Variants in ARHGEF40 observed in about 807,000 individuals in gnomAD.
The protein encoded by ARHGEF40 is Rho guanine nucleotide exchange factor (GEF) 40.
A neutral mutation model predicts 165.9 loss-of-function variants in ARHGEF40; 98 were observed. That is an observed-to-expected ratio of 0.59 (90% CI 0.50 to 0.70). The LOEUF is 0.70. ARHGEF40 is among the 30% of genes least tolerant of loss of function. The probability of loss-of-function intolerance (pLI) is 0.00; values close to 1 mark genes in which losing one functional copy is unlikely to be tolerated. For synonymous variants in ARHGEF40, 792 were observed against 814.3 expected (o/e 0.97, Z 0.47); for missense variants, 1,815 against 1,968.0 (o/e 0.92, Z 1.47).
At chr14:21,065,993 G>A (rs1055287272), upstream of ARHGEF40, among the ~76,000 whole-genome samples, 1 of 152,136 alleles carries the variant, frequency 6.6e-6, no homozygotes, top group Non-Finnish European at 1.5e-5. Context: ...CAACTACTTG[G>A]GAAGCTGAGG....
chr14:21,070,753 C>T lies in ARHGEF40; in HGVS notation c.3+354C>T. The stretch of plus-strand genomic sequence containing the variant: ...CCCCCTCCTGGTCCGAGCTCCTTAC[C>T]CGCGGGAGACCCCTGCGGGTTGGTC... On this transcript the variant is annotated intron_variant, in intron 1 of 23. Transcript: ENST00000298694. This position sits in a 1 kb window ranked among gnomAD's most constrained non-coding sequence, Gnocchi z 4.7. 6.7e-7 allele frequency: 1 copy of T among 1,490,228 alleles called. No homozygotes were observed. Among genetic ancestry groups the T allele is most frequent in the Non-Finnish European group, 9.0e-7 (1 of 1,106,634 alleles). The allele number at this position is 1,490,228 out of a possible 1,614,324, so 92.3% of individuals were successfully genotyped here.
At chr14:21,076,922 G>C (rs1182659306) in intron 8 of ARHGEF40, 32 bp downstream of exon 8, 2 of 1,568,306 alleles carry the variant, frequency 1.3e-6, no homozygotes, top group Non-Finnish European at 1.8e-6. Flanking sequence ...TAGCATGCTG[G>C]GAGCCAGGAA....
chr14:21,066,117 A>C (rs142219277), upstream of ARHGEF40, among the ~76,000 whole-genome samples: 1,419 of 152,182 alleles, frequency 9.3e-3, 89 homozygotes, highest in Admixed American at 0.085. Flanking sequence ...CAACAACAAC[A>C]ACAAAAACCT....
In ARHGEF40 at chr14:21,076,932, A is replaced by G. The variant is rs186745042; in HGVS notation, c.2034+42A>G. ...CCACCTAGCATGCTGGGAGCCAGGA[A>G]TAACCCAGCTGAAGACATTCTAGGA... On this transcript the variant is annotated intron_variant, in intron 8 of 23. Transcript: ENST00000298694. The G allele has an allele frequency of 2.5e-5, 38 of 1,530,848 alleles. No homozygotes were observed. In the Admixed American group the frequency reaches 6.2e-4, roughly 25 times the overall value. 94.8% of individuals were successfully genotyped at this position (1,530,848 alleles called of 1,614,324 possible).
Position 21,088,851 on chromosome 14 carries a change from G to T in ARHGEF40, c.4540G>T (p.Asp1514Tyr). The T allele has an allele frequency of 6.2e-7, 1 of 1,613,198 alleles. No homozygotes were observed. The highest frequency in any genetic ancestry group is 8.5e-7 in the Non-Finnish European group (1 of 1,179,396). ...CCAGAGTCATGCTCGAGCCCTGAGT[G>T]ACCCCACCACGCCTCTGTGACCTGG... is the stretch of plus-strand genomic sequence containing the variant. ...SRQSHARALSDPTTPL is the reference protein window; with the variant it reads ...SRQSHARALSYPTTPL Residue 1514 changes from aspartate to tyrosine, a missense_variant, in exon 23 of 24, where the codon GAC becomes TAC. Coordinates refer to ENST00000298694, the MANE Select transcript of ARHGEF40 (RefSeq NM_018071.5).
chr14:21,076,970 C>A, intron 8 of ARHGEF40, 80 bp downstream of exon 8: 1 of 1,206,376 alleles, frequency 8.3e-7, no homozygotes, highest in Non-Finnish European at 1.2e-6. Context: ...GAGGCCATGT[C>A]CAGGACATAC....
chr14:21,067,645 G>C (rs1886339434), upstream of ARHGEF40, among the ~76,000 whole-genome samples: 1 of 152,134 alleles, frequency 6.6e-6, no homozygotes, highest in African/African-American at 2.4e-5. Flanking sequence ...TTGTGAATGA[G>C]AAGGCTTCTA....
In ARHGEF40 at chr14:21,074,707, C is replaced by T. The variant is rs1262852310; in HGVS notation, c.977C>T (p.Pro326Leu). The T allele has an allele frequency of 1.9e-6, 3 of 1,595,148 alleles. No individual in the cohort carries two copies. In the South Asian group the frequency reaches 3.4e-5, roughly 18 times the overall value. Residue 326 changes from proline (P) to leucine (L), a missense_variant, in exon 3 of 24, where the codon CCA becomes CTA. Coordinates refer to ENST00000298694, the MANE Select transcript of ARHGEF40 (RefSeq NM_018071.5). This position sits in a 1 kb window ranked among gnomAD's most constrained non-coding sequence, Gnocchi z 4.8. Reference protein sequence around the residue: ...PESPPGAEAVPEAAVLEVSEP... With the variant: ...PESPPGAEAVLEAAVLEVSEP... ...TCTCCCCCAGGAGCTGAGGCTGTCCCAGAGGCAGCAGTCTTGGAGGTGTCT... is the reference window on the plus strand; with the variant it reads ...TCTCCCCCAGGAGCTGAGGCTGTCCTAGAGGCAGCAGTCTTGGAGGTGTCT...
At chr14:21,071,709 CT>C (rs1222392670) in intron 1 of ARHGEF40, among the ~76,000 whole-genome samples, 1 of 152,194 alleles carries the variant, frequency 6.6e-6, no homozygotes, top group African/African-American at 2.4e-5. Context: ...TGCTCAAGCC[CT>C]AGCTCCGCAC....
In ARHGEF40 at chr14:21,073,536, ATCT is replaced by A. The variant is rs1159691222; in HGVS notation, c.201+298_201+300del. ...TAACTCTCCAGACCCAATTCCAGAC[ATCT>A]TCTCCCCCTCATATGAATTTCTCAA... On this transcript the variant is annotated intron_variant, in intron 2 of 23. Transcript: ENST00000298694. The surrounding 1 kb of genome is among the most constrained non-coding windows in gnomAD (Gnocchi z 4.6). Among the ~76,000 whole-genome samples, 3 of 151,786 alleles carry A rather than the reference ATCT, an allele frequency of 2.0e-5. No homozygotes were observed. Among genetic ancestry groups the A allele is most frequent in the Non-Finnish European group, 2.9e-5 (2 of 67,958 alleles).
Position 21,085,711 on chromosome 14 carries a change from A to C in ARHGEF40, c.3983A>C (p.Glu1328Ala). The change falls in exon 19 of 24, where the codon GAA (glutamate) becomes GCA (alanine). Residue 1328 changes from glutamate to alanine, a missense_variant. Transcript: ENST00000298694. ...CAGACTGCTGATATGGGGCTGACAG[A>C]AAACATCGGGGACAGCGGACTCTGC... ...AFKTADMGLT[E>A]NIGDSGLCFE... is the part of the protein sequence containing the mutation. The C allele has an allele frequency of 6.2e-7, 1 of 1,614,058 alleles. No individual in the cohort carries two copies. Among genetic ancestry groups the C allele is most frequent in the Non-Finnish European group, 8.5e-7 (1 of 1,180,032 alleles).
Position 21,089,101 on chromosome 14 carries a change from G to A in ARHGEF40, c.*93G>A, listed in dbSNP as rs1047301180. On this transcript the variant is annotated 3_prime_UTR_variant, in exon 24 of 24. Transcript: ENST00000298694. ...GGGCATAATGGAGCCCTGGGCGATC[G>A]CTGAATTTCTTCCCTCTGCTTCCTG... 2.8e-5 allele frequency: 14 copies of A among 495,352 alleles called. No individual in the cohort carries two copies. Among genetic ancestry groups the A allele is most frequent in the East Asian group, 2.7e-4 (8 of 29,888 alleles). 30.7% of individuals were successfully genotyped at this position (495,352 alleles called of 1,614,324 possible). A position where few individuals can be genotyped will look rare whatever the true frequency, so the allele number is the denominator to read the frequency against.
rs751334651 is a variant in ARHGEF40 at position 21,074,045 on chromosome 14, C to A, written c.315C>A (p.Phe105Leu). ...GGCAACTGCTGCGCCCAGGAGACTTCTATCTGCAGGTGGTGCCCTCAGCTG... is the reference window on the plus strand; with the variant it reads ...GGCAACTGCTGCGCCCAGGAGACTTATATCTGCAGGTGGTGCCCTCAGCTG... ...LPWQLLRPGD[F>L]YLQVVPSAAQ... The change falls in exon 3 of 24, where the codon TTC becomes TTA. Residue 105 changes from phenylalanine to leucine, a missense_variant. Transcript: ENST00000298694. This position sits in a 1 kb window ranked among gnomAD's most constrained non-coding sequence, Gnocchi z 4.8. 1 of 1,614,138 alleles carries A rather than the reference C, an allele frequency of 6.2e-7. No individual in the cohort carries two copies. The highest frequency in any genetic ancestry group is 8.5e-7 in the Non-Finnish European group (1 of 1,180,036).
At chr14:21,061,614 T>G in the ARHGEF40 span, among the ~76,000 whole-genome samples, 12 of 152,200 alleles carry the variant, frequency 7.9e-5, no homozygotes, top group African/African-American at 2.9e-4. Flanking sequence ...AAAAATCACT[T>G]GAGAAGGGGC....
intron 19 of ARHGEF40, chr14:21,086,416 G>A (rs1888340033): frequency 6.5e-6 from 1 of 152,876 alleles, no homozygotes; most frequent in African/African-American, 2.4e-5. Context: ...TAAAGCAAAT[G>A]GCTGGGAAAA....
At chr14:21,087,648 T>C in intron 21 of ARHGEF40, 185 bp downstream of exon 21, 1 of 856,518 alleles carries the variant, frequency 1.2e-6, no homozygotes. Context: ...CAACAGCCTG[T>C]TGCTAAGAAG....
Position 21,081,886 on chromosome 14 carries a change from T to C in ARHGEF40, c.3018T>C (p.His1006=). The part of the protein sequence containing the change: ...SSPGPRPAPS[H]CSLAPCGEDY... ...CTGGGCCACGGCCAGCCCCATCCCA[T>C]TGCTCCCTGGCCCCATGTGGAGAGG... The change falls in exon 14 of 24, where the codon CAT becomes CAC. Residue 1006 remains histidine (H), a synonymous_variant. Transcript: ENST00000298694. 6.2e-7 allele frequency: 1 copy of C among 1,613,294 alleles called. No homozygotes were observed. Among genetic ancestry groups the C allele is most frequent in the African/African-American group, 1.3e-5 (1 of 75,044 alleles).
At chr14:21,063,718 G>A in the ARHGEF40 span, among the ~76,000 whole-genome samples, 1 of 152,166 alleles carries the variant, frequency 6.6e-6, no homozygotes. Flanking sequence ...ACAGGCACAG[G>A]TTATGTCTTA....
intron 21 of ARHGEF40, 75 bp from the exon 22 acceptor site, chr14:21,087,893 T>C: frequency 1.9e-6 from 3 of 1,600,462 alleles, no homozygotes; most frequent in South Asian, 1.1e-5. Context: ...TTTTCTTCCC[T>C]GATGGAGCAG....
Sources: gnomAD v4.1 joint callset for allele counts (sites outside exome capture counted in the v4.1 genomes callset) on GRCh38, gnomAD v4.1.1 for gene constraint, Gnocchi (gnomAD v3.1) non-coding constraint, MANE v1.5 for transcripts, NCBI Gene and HGNC (gene_info 2026-07-23, HGNC 2026-07-21) for gene names.